Variants in COL22A1 observed in about 807,000 individuals in gnomAD.
COL22A1 encodes the protein collagen type XXII alpha 1 chain.
In COL22A1, 221 loss-of-function variants were observed where a neutral mutation model predicts 248.9. The ratio of observed to expected loss-of-function variants is 0.89; its 90% confidence interval spans 0.80 to 0.99. The LOEUF is 0.99. COL22A1 is among the 50% of genes least tolerant of loss of function. The probability of loss-of-function intolerance (pLI) is 0.00; values close to 1 mark genes in which losing one functional copy is unlikely to be tolerated. For synonymous variants in COL22A1, 891 were observed against 793.4 expected (o/e 1.12, Z -2.07); for missense variants, 2,240 against 2,179.0 (o/e 1.03, Z -0.56).
In COL22A1 at chr8:138,589,150, A is replaced by G; in HGVS notation, c.*103T>C. On this transcript the variant is annotated 3_prime_UTR_variant, in exon 65 of 65. Coordinates refer to ENST00000303045, the MANE Select transcript of COL22A1 (RefSeq NM_152888.3). ...GCAAACGATAAAAGAAAGAAAAAAA[A>G]AAGGAACACATGGCTGAAGTCTTTC... 1 of 1,076,880 alleles carries G rather than the reference A, an allele frequency of 9.3e-7. No individual in the cohort carries two copies. The highest frequency in any genetic ancestry group is 1.5e-5 in the South Asian group (1 of 65,302). The allele number at this position is 1,076,880 out of a possible 1,614,324, so 66.7% of individuals were successfully genotyped here.
chr8:138,820,868 T>A (rs1301328443), intron 7 of COL22A1, among the ~76,000 whole-genome samples: 3 of 152,222 alleles, frequency 2.0e-5, no homozygotes, highest in Non-Finnish European at 4.4e-5. Context: ...CAGAGCACAG[T>A]GCCTGGCACA....
intron 27 of COL22A1, among the ~76,000 whole-genome samples, chr8:138,717,261 C>A (rs1301718704): frequency 6.6e-6 from 1 of 152,100 alleles, no homozygotes; most frequent in Non-Finnish European, 1.5e-5. Flanking sequence ...CATTCTCCCA[C>A]CTCAGCCTCC....
intron 22 of COL22A1, among the ~76,000 whole-genome samples, chr8:138,744,353 C>A (rs1462862448): frequency 6.6e-6 from 1 of 152,014 alleles, no homozygotes; most frequent in Non-Finnish European, 1.5e-5. Context: ...CTGATGTGTG[C>A]CCAGTGCATC....
intron 44 of COL22A1, among the ~76,000 whole-genome samples, chr8:138,656,962 C>G (rs11986569): frequency 1.3e-5 from 2 of 152,140 alleles, no homozygotes; most frequent in Non-Finnish European, 2.9e-5. Context: ...TCGGTGCCAT[C>G]CTGTGGTTAG....
At chr8:138,690,568 A>C (rs754819960) in intron 36 of COL22A1, among the ~76,000 whole-genome samples, 1 of 152,110 alleles carries the variant, frequency 6.6e-6, no homozygotes, top group Non-Finnish European at 1.5e-5. Flanking sequence ...TGATTCCAAC[A>C]CCAGTGAAAT....
intron 1 of COL22A1, among the ~76,000 whole-genome samples, chr8:138,912,988 C>A (rs866985451): frequency 6.6e-6 from 1 of 151,982 alleles, no homozygotes; most frequent in African/African-American, 2.4e-5. Context: ...AAGTGGCACA[C>A]GAAACTCTGG....
intron 35 of COL22A1, among the ~76,000 whole-genome samples, chr8:138,691,906 ACGTGCATGTGTG>A (rs1826989078): frequency 6.8e-5 from 1 of 14,800 alleles, no homozygotes; most frequent in African/African-American, 1.8e-4. Context: ...GTATGTGTGC[ACGTGCATGTGTG>A]CATGTTTGTG....
chr8:138,891,471 A>C (rs2132112584), intron 1 of COL22A1, among the ~76,000 whole-genome samples: 1 of 152,298 alleles, frequency 6.6e-6, no homozygotes, highest in South Asian at 2.1e-4. Flanking sequence ...CATACATTAA[A>C]CCATTTACGT....
chr8:138,891,672 A>G (rs1251053939), intron 1 of COL22A1, among the ~76,000 whole-genome samples: 1 of 152,148 alleles, frequency 6.6e-6, no homozygotes, highest in Non-Finnish European at 1.5e-5. Flanking sequence ...CAATCTAACC[A>G]TAGGTCCATA....
chr8:138,834,710 C>T lies in COL22A1; in HGVS notation c.734-1560G>A, dbSNP rs1325567669. ...CTTAAATGATACAAAGTTCTTCATA[C>T]AGTACCTGACATACAGTAGATCACC... On this transcript the variant is annotated intron_variant, in intron 4 of 64. Coordinates refer to ENST00000303045, the MANE Select transcript of COL22A1 (RefSeq NM_152888.3). Among the ~76,000 whole-genome samples the T allele has an allele frequency of 2.0e-5, 3 of 152,228 alleles. No individual in the cohort carries two copies. In the East Asian group the frequency reaches 5.8e-4, roughly 29 times the overall value.
intron 4 of COL22A1, among the ~76,000 whole-genome samples, chr8:138,836,415 T>C (rs1272833890): frequency 6.6e-6 from 1 of 152,246 alleles, no homozygotes; most frequent in East Asian, 1.9e-4. Context: ...CTGACTCTAC[T>C]ATTAGACATT....
At chr8:138,756,839 G>A (rs55765334) in intron 18 of COL22A1, among the ~76,000 whole-genome samples, 8 of 151,956 alleles carry the variant, frequency 5.3e-5, no homozygotes, top group African/African-American at 7.3e-5. Context: ...ATCCCTGCCC[G>A]AGACCTGGAA....
chr8:138,753,027 C>A (rs760331581), intron 21 of COL22A1, among the ~76,000 whole-genome samples: 1 of 152,134 alleles, frequency 6.6e-6, no homozygotes, highest in Non-Finnish European at 1.5e-5. Flanking sequence ...CGGTAGATTT[C>A]CAAGTTAGGG....
intron 16 of COL22A1, among the ~76,000 whole-genome samples, chr8:138,772,208 G>A (rs550098825): frequency 9.2e-5 from 14 of 152,354 alleles, no homozygotes; most frequent in East Asian, 1.9e-4. Context: ...GCATGGGCCC[G>A]GTGCTCACCC....
intron 12 of COL22A1, among the ~76,000 whole-genome samples, chr8:138,784,020 A>G (rs1025714663): frequency 5.9e-5 from 9 of 152,226 alleles, no homozygotes; most frequent in African/African-American, 2.2e-4. Flanking sequence ...GGTCCAAGAC[A>G]AAATGAACAA....
intron 10 of COL22A1, among the ~76,000 whole-genome samples, chr8:138,804,124 G>A (rs2131636817): frequency 6.6e-6 from 1 of 152,226 alleles, no homozygotes; most frequent in Admixed American, 6.5e-5. Flanking sequence ...TGAGTCCTGG[G>A]GACCAGGCTC....
In COL22A1 at chr8:138,844,116, T is replaced by C; in HGVS notation, c.701A>G (p.Lys234Arg). ...PSVRVEGDRF[K>R]HTNGGTKEIT... ...TTCCTTGGTTCCTCCATTGGTGTGCTTAAAGCGATCTCCTTCTACACGAAC... is the reference window on the plus strand; with the variant it reads ...TTCCTTGGTTCCTCCATTGGTGTGCCTAAAGCGATCTCCTTCTACACGAAC... Residue 234 changes from lysine (K) to arginine (R), a missense_variant, in exon 4 of 65, where the codon AAG becomes AGG. Lys to Arg is a conservative substitution (Grantham distance 26, BLOSUM62 2). Transcript: ENST00000303045. 1 of 1,614,062 alleles carries C rather than the reference T, an allele frequency of 6.2e-7. No homozygotes were observed. Among genetic ancestry groups the C allele is most frequent in the South Asian group, 1.1e-5 (1 of 91,072 alleles).
At chr8:138,621,441 C>T (rs1819794451) in intron 52 of COL22A1, among the ~76,000 whole-genome samples, 1 of 152,148 alleles carries the variant, frequency 6.6e-6, no homozygotes, top group Non-Finnish European at 1.5e-5. Context: ...CTCACTGATT[C>T]AGGGGATCAC....
At chr8:138,879,137 T>C (rs185819661) in intron 2 of COL22A1, among the ~76,000 whole-genome samples, 1 of 152,346 alleles carries the variant, frequency 6.6e-6, no homozygotes, top group East Asian at 1.9e-4. Flanking sequence ...TAATTATTGA[T>C]AGGAATGGGA....
Sources: gnomAD v4.1 joint callset for allele counts (sites outside exome capture counted in the v4.1 genomes callset) on GRCh38, gnomAD v4.1.1 for gene constraint, MANE v1.5 for transcripts, NCBI Gene and HGNC (gene_info 2026-07-23, HGNC 2026-07-21) for gene names.